FNBP1: variants seen among roughly 807,000 people sequenced by gnomAD.
FNBP1 encodes formin binding protein 1.
In FNBP1, 26 loss-of-function variants were observed where a neutral mutation model predicts 90.6. That is an observed-to-expected ratio of 0.29 (90% CI 0.21 to 0.40). FNBP1 has a LOEUF of 0.40. FNBP1 is among the 10% of genes least tolerant of loss of function. FNBP1 has a pLI of 1.00. For synonymous variants in FNBP1, 260 were observed against 265.2 expected, an observed-to-expected ratio of 0.98 and a Z score of 0.19; for missense variants, 635 against 768.0, an observed-to-expected ratio of 0.83 and a Z score of 2.05.
chr9:129,892,823 T>C (rs965623194), intron 16 of FNBP1, among the ~76,000 whole-genome samples: 6 of 152,196 alleles, frequency 3.9e-5, no homozygotes, highest in Non-Finnish European at 7.3e-5. Context: ...TCACCTGTTA[T>C]AGTACTGAGG....
chr9:129,995,087 G>T lies in FNBP1; in HGVS notation c.25-129C>A, dbSNP rs1422424278. On this transcript the variant is annotated intron_variant, in intron 1 of 16. Coordinates refer to ENST00000446176, the MANE Select transcript of FNBP1 (RefSeq NM_015033.3). Reference sequence around the variant, plus strand: ...TAATATTTTCCATGATTATACTTGGGGTGCTTTTTTGTTGAGCCATTTTAA... The same window carrying T: ...TAATATTTTCCATGATTATACTTGGTGTGCTTTTTTGTTGAGCCATTTTAA... 4 of 615,284 alleles carry T rather than the reference G, an allele frequency of 6.5e-6. No individual in the cohort carries two copies. In the African/African-American group the frequency reaches 7.7e-5, roughly 12 times the overall value. 38.1% of individuals were successfully genotyped at this position (615,284 alleles called of 1,614,324 possible).
intron 12 of FNBP1, among the ~76,000 whole-genome samples, chr9:129,906,848 T>G (rs941022431): frequency 2.0e-5 from 3 of 152,152 alleles, no homozygotes; most frequent in Admixed American, 6.5e-5. Flanking sequence ...AGCACAGTCT[T>G]GGCTCACTGC....
At chr9:129,929,923 G>A (rs925713433) in intron 6 of FNBP1, among the ~76,000 whole-genome samples, 9 of 151,924 alleles carry the variant, frequency 5.9e-5, no homozygotes, top group African/African-American at 1.7e-4. Flanking sequence ...AACGTGGCGT[G>A]TACCTTCTAG....
At chr9:129,989,095 G>C (rs1207778046) in intron 2 of FNBP1, among the ~76,000 whole-genome samples, 1 of 152,074 alleles carries the variant, frequency 6.6e-6, no homozygotes, top group East Asian at 1.9e-4. Flanking sequence ...TACATGTCTG[G>C]CTTCTTTTTG....
At position 129,948,356 on chromosome 9, in the gene FNBP1, CTTTTTTT is replaced by C. The variant is rs71385491; in HGVS notation, c.513+8997_513+9003del. Among the ~76,000 whole-genome samples, 36 of 64,482 alleles carry C rather than the reference CTTTTTTT, an allele frequency of 5.6e-4. 1 individual carries two copies. The East Asian group carries it at 0.012, about 21-fold the overall frequency. 42.3% of individuals were successfully genotyped at this position (64,482 alleles called of 152,430 possible). On this transcript the variant is annotated intron_variant, in intron 6 of 16. Transcript: ENST00000446176. ...TCATACAAAACACCTATTTTGGTGT[CTTTTTTT>C]TTTTTTTTTTTTTTTTTTTGAGATG... is the stretch of plus-strand genomic sequence containing the variant.
At chr9:129,915,668 C>A (rs974516097) in intron 11 of FNBP1, among the ~76,000 whole-genome samples, 2 of 152,040 alleles carry the variant, frequency 1.3e-5, no homozygotes, top group Admixed American at 6.6e-5. Context: ...CCGGCCTTTA[C>A]GTTAATATTT....
At chr9:130,007,424 C>T (rs1014079702) in intron 1 of FNBP1, among the ~76,000 whole-genome samples, 27 of 151,918 alleles carry the variant, frequency 1.8e-4, no homozygotes, top group African/African-American at 5.8e-4. Flanking sequence ...ATGAATGCAG[C>T]GGTGCTCTGA....
chr9:129,977,036 C>T (rs1254115289), intron 4 of FNBP1, among the ~76,000 whole-genome samples: 3 of 151,716 alleles, frequency 2.0e-5, no homozygotes, highest in African/African-American at 4.8e-5. Context: ...GGCATGGTGG[C>T]GGGCACCTGT....
At chr9:129,931,258 C>T (rs1362394702) in intron 6 of FNBP1, among the ~76,000 whole-genome samples, 1 of 151,986 alleles carries the variant, frequency 6.6e-6, no homozygotes, top group African/African-American at 2.4e-5. Context: ...ATCACTACCA[C>T]TGCATTCCAG....
intron 16 of FNBP1, among the ~76,000 whole-genome samples, chr9:129,891,607 C>T (rs2035113702): frequency 6.6e-6 from 1 of 152,216 alleles, no homozygotes; most frequent in South Asian, 2.1e-4. Context: ...ACCTGTTGTT[C>T]TGTATTCATT....
At position 130,042,177 on chromosome 9, in the gene FNBP1, G is replaced by GC. The variant is rs1178622229; in HGVS notation, c.24+774dup. Among the ~76,000 whole-genome samples, 2 of 151,914 alleles carry GC rather than the reference G, an allele frequency of 1.3e-5. No individual in the cohort carries two copies. Among genetic ancestry groups the GC allele is most frequent in the Non-Finnish European group, 2.9e-5 (2 of 67,968 alleles). ...GCGCATCCCCCGGCCAAGCATCCCC[G>GC]CAAGGCGCCCCTCACCGCCAACTTT... On this transcript the variant is annotated intron_variant, in intron 1 of 16. Coordinates refer to ENST00000446176, the MANE Select transcript of FNBP1 (RefSeq NM_015033.3). This position sits in a 1 kb window ranked among gnomAD's most constrained non-coding sequence, Gnocchi z 5.5.
intron 1 of FNBP1, among the ~76,000 whole-genome samples, chr9:129,997,264 G>GTTGCAGTGA (rs573795785): frequency 6.6e-5 from 10 of 152,066 alleles, no homozygotes; most frequent in Non-Finnish European, 7.4e-5. Context: ...GGAGGCAGAG[G>GTTGCAGTGA]TTGCAGTGAG....
At chr9:129,983,432 A>G (rs1313167236) in intron 2 of FNBP1, among the ~76,000 whole-genome samples, 3 of 152,214 alleles carry the variant, frequency 2.0e-5, no homozygotes, top group Non-Finnish European at 4.4e-5. Flanking sequence ...AAGGATATTT[A>G]TCTCAAGAAC....
At chr9:129,956,320 G>A (rs1487389655) in intron 6 of FNBP1, among the ~76,000 whole-genome samples, 1 of 152,130 alleles carries the variant, frequency 6.6e-6, no homozygotes, top group Non-Finnish European at 1.5e-5. Context: ...TCTGTCAAAA[G>A]CTCAACAAAT....
intron 2 of FNBP1, among the ~76,000 whole-genome samples, chr9:129,981,091 CTTGT>C (rs1209727742): frequency 1.3e-5 from 2 of 148,336 alleles, no homozygotes; most frequent in African/African-American, 4.9e-5. Context: ...AGCATGTTTT[CTTGT>C]TTGTTTGTTT....
chr9:129,955,142 T>C (rs980884224), intron 6 of FNBP1, among the ~76,000 whole-genome samples: 1 of 151,932 alleles, frequency 6.6e-6, no homozygotes, highest in Non-Finnish European at 1.5e-5. Flanking sequence ...ACAAAAGGCA[T>C]GAAGATTGGA....
chr9:130,034,149 G>A (rs1372137608), intron 1 of FNBP1, among the ~76,000 whole-genome samples: 1 of 150,898 alleles, frequency 6.6e-6, no homozygotes, highest in South Asian at 2.1e-4. Context: ...GTGAAACCCC[G>A]TCTCTACTAA....
chr9:129,927,177 C>T lies in FNBP1; in HGVS notation c.789+18G>A, dbSNP rs760338903. The T allele has an allele frequency of 1.2e-6, 2 of 1,612,322 alleles. No individual in the cohort carries two copies. The highest frequency in any genetic ancestry group is 1.7e-6 in the Non-Finnish European group (2 of 1,178,698). ...ATCTGCAAATAGTTATCAATGAAGT[C>T]CAAATGGCAATACTTACATTTTTCT... On this transcript the variant is annotated intron_variant, in intron 8 of 16. Transcript: ENST00000446176.
chr9:130,040,843 G>T (rs1251575722), intron 1 of FNBP1, among the ~76,000 whole-genome samples: 1 of 151,876 alleles, frequency 6.6e-6, no homozygotes, highest in Non-Finnish European at 1.5e-5. Context: ...GAATACTTCT[G>T]TACTCAGCAT....
Sources: gnomAD v4.1 joint callset for allele counts (sites outside exome capture counted in the v4.1 genomes callset) on GRCh38, gnomAD v4.1.1 for gene constraint, Gnocchi (gnomAD v3.1) non-coding constraint, MANE v1.5 for transcripts, NCBI Gene and HGNC (gene_info 2026-07-23, HGNC 2026-07-21) for gene names.